Variants in TBC1D28 observed in about 807,000 individuals in gnomAD.
The protein encoded by TBC1D28 is TBC1 domain family, member 28.
In TBC1D28, 20 loss-of-function variants were observed where a neutral mutation model predicts 29.2. The observed-to-expected ratio is 0.68, with a 90% CI of 0.48 to 0.99. TBC1D28 has a LOEUF of 0.99. Ranked by LOEUF, TBC1D28 falls within the 50% of genes least tolerant of loss-of-function variation. The pLI, the probability that TBC1D28 is intolerant of heterozygous loss-of-function variation, is 0.00. For synonymous variants in TBC1D28, 65 were observed against 90.9 expected (o/e 0.71, Z 1.62); for missense variants, 205 against 243.7 (o/e 0.84, Z 1.06).
upstream of TBC1D28, among the ~76,000 whole-genome samples, chr17:18,643,678 C>T (rs145728030): frequency 0.12 from 17,703 of 151,190 alleles, 1,059 homozygotes; most frequent in Middle Eastern, 0.14. Flanking sequence ...TGACCAGGTC[C>T]CCACTGTCCA....
exon 9 of TBC1D28, chr17:18,636,522 G>C: frequency 6.2e-7 from 1 of 1,613,996 alleles, no homozygotes; most frequent in Non-Finnish European, 8.5e-7. Context: ...ACAGGTACCA[G>C]GAATATCGCT....
upstream of TBC1D28, among the ~76,000 whole-genome samples, chr17:18,644,030 AG>A (rs2031888314): frequency 6.6e-6 from 1 of 152,146 alleles, no homozygotes; most frequent in Admixed American, 6.5e-5. Context: ...TGCACAGGGC[AG>A]GGCTGAGAGC....
exon 9 of TBC1D28, chr17:18,635,862 A>C: frequency 1.0e-6 from 1 of 993,042 alleles, no homozygotes; most frequent in Non-Finnish European, 1.2e-6. Context: ...GGTGAAGGCA[A>C]GTGTTTGTCC....
downstream of TBC1D28, among the ~76,000 whole-genome samples, chr17:18,634,616 C>G (rs930083475): frequency 6.6e-6 from 1 of 152,154 alleles, no homozygotes; most frequent in Non-Finnish European, 1.5e-5. Context: ...AGTAAAATAT[C>G]CTAAATAAAA....
At chr17:18,637,180 C>T (rs537786318) in intron 8 of TBC1D28, among the ~76,000 whole-genome samples, 21 of 140,092 alleles carry the variant, frequency 1.5e-4, no homozygotes, top group African/African-American at 4.5e-4. Flanking sequence ...ATTAGGGGTT[C>T]GTTCCTTTTC....
At chr17:18,634,816 G>GCCTCAGCC (rs1392533127), downstream of TBC1D28, among the ~76,000 whole-genome samples, 38 of 94,710 alleles carry the variant, frequency 4.0e-4, no homozygotes, top group Admixed American at 1.1e-3. Flanking sequence ...CCCCTCAGCC[G>GCCTCAGCC]CCTCAGCCCC....
chr17:18,636,468 A>G (rs755045064), exon 9 of TBC1D28: 10 of 1,611,582 alleles, frequency 6.2e-6, no homozygotes, highest in Non-Finnish European at 7.6e-6. Context: ...ATTTTCAAGA[A>G]GTTGCAACAC....
At chr17:18,635,958 A>G (rs1353953720) in exon 9 of TBC1D28, 1 of 992,704 alleles carries the variant, frequency 1.0e-6, no homozygotes, top group Non-Finnish European at 1.2e-6. Context: ...AGAACTGGCC[A>G]CGGTCCTGCA....
At chr17:18,634,798 C>A (rs1288791299), downstream of TBC1D28, among the ~76,000 whole-genome samples, 2 of 151,276 alleles carry the variant, frequency 1.3e-5, no homozygotes, top group African/African-American at 4.9e-5. Context: ...CGCCCCTCAG[C>A]CCCTCAGCCC....
chr17:18,641,479 T>C (rs2031762877), intron 2 of TBC1D28, 126 bp from the exon 4 acceptor site: 3 of 1,052,924 alleles, frequency 2.8e-6, no homozygotes, highest in African/African-American at 1.6e-5. Flanking sequence ...CCCTCCCAGA[T>C]GACAAGGGGC....
downstream of TBC1D28, among the ~76,000 whole-genome samples, chr17:18,634,734 G>GC (rs2031393935): frequency 1.7e-5 from 2 of 117,858 alleles, no homozygotes; most frequent in South Asian, 5.4e-4. Context: ...CAGCCCGAGG[G>GC]ATTCGGCCAC....
downstream of TBC1D28, among the ~76,000 whole-genome samples, chr17:18,634,824 C>T (rs1468497166): frequency 1.4e-5 from 2 of 142,380 alleles, no homozygotes; most frequent in Admixed American, 6.9e-5. Context: ...CCGCCTCAGC[C>T]CCTCAGCCCC....
At chr17:18,641,278 C>T in exon 3 of TBC1D28, 3 of 1,612,700 alleles carry the variant, frequency 1.9e-6, no homozygotes, top group African/African-American at 1.3e-5. Flanking sequence ...CAACTTGTAC[C>T]TGCTCATACT....
exon 6 of TBC1D28, chr17:18,638,689 C>T: frequency 6.2e-7 from 1 of 1,614,068 alleles, no homozygotes. Context: ...CGTTTACTTT[C>T]CTTGCGTCTT....
downstream of TBC1D28, among the ~76,000 whole-genome samples, chr17:18,634,585 C>T (rs1215714228): frequency 6.6e-6 from 1 of 152,176 alleles, no homozygotes; most frequent in Admixed American, 6.5e-5. Flanking sequence ...CTGCAAAACA[C>T]AGTTCATCCT....
rs1312791998 is a variant in TBC1D28, at chr17:18,638,354, C to G, written c.346G>C (p.Asp116His). The G allele has an allele frequency of 1.2e-6, 2 of 1,614,252 alleles. No individual in the cohort carries two copies. Among genetic ancestry groups the G allele is most frequent in the South Asian group, 1.1e-5 (1 of 91,084 alleles). Reference sequence around the variant, plus strand: ...TTCTGGGACTTGATTTTGTCAATATCTAGCAAAAGTGACAACGCCCGGCCC... The same window carrying G: ...TTCTGGGACTTGATTTTGTCAATATGTAGCAAAAGTGACAACGCCCGGCCC... Residue 116 changes from aspartate to histidine, a missense_variant, in exon 7 of 9, where the codon GAT becomes CAT. Physicochemically the swap from Asp to His is moderately conservative, Grantham distance 81. Coordinates refer to ENST00000345096, the Ensembl canonical transcript of TBC1D28.
At chr17:18,641,510 CT>C in intron 2 of TBC1D28, 121 bp downstream of exon 3, 1 of 796,224 alleles carries the variant, frequency 1.3e-6, no homozygotes, top group South Asian at 1.8e-5. Flanking sequence ...GGCCCCACCC[CT>C]GACTGGATCT....
chr17:18,635,575 T>A (rs1365905532), exon 9 of TBC1D28: 1 of 1,011,232 alleles, frequency 9.9e-7, no homozygotes, highest in African/African-American at 1.7e-5. Flanking sequence ...TGCCAAGAGA[T>A]CATGGCCCAG....
rs556051930 is a variant in TBC1D28, at chr17:18,642,110, A to G, written c.-386T>C. ...GGCAAACGGAAGGCAAGGCCTCTAG[A>G]GGACCAGACAGAGAGAATGGGACGC... On this transcript the variant is annotated 5_prime_UTR_variant, in exon 1 of 9. Transcript: ENST00000345096. The G allele has an allele frequency of 1.2e-3, 189 of 153,744 alleles. No individual in the cohort carries two copies. In the Middle Eastern group the frequency reaches 0.013, roughly 11 times the overall value. The allele number at this position is 153,744 out of a possible 1,614,324, so 9.5% of individuals were successfully genotyped here.
Sources: allele counts gnomAD v4.1 joint callset (sites outside exome capture counted in the v4.1 genomes callset), GRCh38; gene constraint gnomAD v4.1.1; transcripts MANE v1.5; gene names NCBI Gene and HGNC (gene_info 2026-07-23, HGNC 2026-07-21).